Variants in NUP160 observed in about 807,000 individuals in gnomAD.
The protein encoded by NUP160 is nuclear pore complex protein Nup160.
In NUP160, 94 loss-of-function variants were observed where a neutral mutation model predicts 196.9. The ratio of observed to expected loss-of-function variants is 0.48; its 90% confidence interval spans 0.40 to 0.57. The LOEUF (loss-of-function observed/expected upper bound fraction) is 0.57, where lower values mean the gene tolerates loss of function less well. Among genes scored for constraint, NUP160 ranks in the 20% least tolerant of loss-of-function variants. The pLI, the probability that NUP160 is intolerant of heterozygous loss-of-function variation, is 0.00. For missense variants in NUP160, 1,638 were observed against 1,748.3 expected (o/e 0.94, Z 1.13); for synonymous variants, 605 against 619.7 (o/e 0.98, Z 0.35).
Position 47,808,248 on chromosome 11 carries a change from T to C in NUP160, c.2375+148A>G, listed in dbSNP as rs1406402505. 4.6e-6 allele frequency: 3 copies of C among 657,654 alleles called. No homozygotes were observed. The East Asian group carries it at 9.0e-5, about 20-fold the overall frequency. 40.7% of individuals were successfully genotyped at this position (657,654 alleles called of 1,614,324 possible). On this transcript the variant is annotated intron_variant, in intron 18 of 35. Coordinates refer to ENST00000378460, the Ensembl canonical transcript of NUP160. ...GTGAGCCGAGATCATGCCATTGCAC[T>C]CCGGCCTGGGTGAGAGAGAGCGAGA...
chr11:47,828,432 A>G (rs1852014330), intron 7 of NUP160, among the ~76,000 whole-genome samples: 1 of 152,242 alleles, frequency 6.6e-6, no homozygotes, highest in Non-Finnish European at 1.5e-5. Context: ...GAACAAAAGT[A>G]TAAAACTTAC....
At chr11:47,806,761 A>G (rs2097677874) in intron 19 of NUP160, among the ~76,000 whole-genome samples, 1 of 149,050 alleles carries the variant, frequency 6.7e-6, no homozygotes, top group Non-Finnish European at 1.5e-5. Context: ...TAATCACTGG[A>G]GCATCAAAAC....
intron 17 of NUP160, among the ~76,000 whole-genome samples, chr11:47,811,739 G>A (rs1322752363): frequency 1.3e-5 from 2 of 152,008 alleles, no homozygotes; most frequent in Non-Finnish European, 2.9e-5. Context: ...GTAGGTAAAC[G>A]TGTGCCATGA....
intron 7 of NUP160, among the ~76,000 whole-genome samples, chr11:47,831,376 T>C (rs923373887): frequency 6.6e-6 from 1 of 152,140 alleles, no homozygotes; most frequent in Non-Finnish European, 1.5e-5. Flanking sequence ...GACAAGTATA[T>C]AGCAGCAGTA....
intron 29 of NUP160, among the ~76,000 whole-genome samples, chr11:47,789,989 A>G (rs952847401): frequency 4.1e-5 from 6 of 146,186 alleles, no homozygotes; most frequent in Non-Finnish European, 8.9e-5. Context: ...CTTATTGCCC[A>G]GACTGGAGTG....
intron 7 of NUP160, chr11:47,827,199 C>G: frequency 2.2e-6 from 1 of 452,038 alleles, no homozygotes; most frequent in Non-Finnish European, 4.4e-6. Flanking sequence ...CCGTCTCTAC[C>G]AAAAATACAA....
Position 47,847,875 on chromosome 11 carries a change from GAGAA to G in NUP160, c.283_286del (p.Phe95ProfsTer2). The G allele has an allele frequency of 6.2e-7, 1 of 1,613,726 alleles. No individual in the cohort carries two copies. Among genetic ancestry groups the G allele is most frequent in the Non-Finnish European group, 8.5e-7 (1 of 1,179,662 alleles). On this transcript the variant is annotated frameshift_variant, in exon 2 of 36. Transcript: ENST00000378460. LOFTEE classifies it high-confidence loss of function. ...ATGAATGAACCTGTTTCTGGTTACG[GAGAA>G]CAACTTGCCACTCTCCACGTAGTAA... is the stretch of plus-strand genomic sequence containing the variant.
At chr11:47,835,197 T>C (rs912638046) in intron 7 of NUP160, among the ~76,000 whole-genome samples, 1 of 152,128 alleles carries the variant, frequency 6.6e-6, no homozygotes, top group African/African-American at 2.4e-5. Flanking sequence ...TTAATGTGCA[T>C]AAAGGGACTG....
chr11:47,841,924 AGCCTCCCAAAGTGCTACCTGCCTCG>A (rs1053819193), intron 2 of NUP160, among the ~76,000 whole-genome samples: 10 of 151,800 alleles, frequency 6.6e-5, no homozygotes, highest in East Asian at 5.8e-4. Flanking sequence ...CCTGGCCTCA[AGCCTCCCAAAGTGCTACCTGCCTCG>A]GCCTCCCAAA....
chr11:47,788,258 G>A (rs902194534), exon 31 of NUP160: 2 of 1,613,900 alleles, frequency 1.2e-6, no homozygotes, highest in African/African-American at 2.7e-5. Flanking sequence ...GTGTCAAAGA[G>A]GCCCGCCTGA....
At chr11:47,838,492 G>A (rs563716928) in intron 4 of NUP160, among the ~76,000 whole-genome samples, 1 of 152,126 alleles carries the variant, frequency 6.6e-6, no homozygotes, top group East Asian at 1.9e-4. Flanking sequence ...CGGATCACTT[G>A]AGGTCAGGAG....
exon 34 of NUP160, chr11:47,783,106 T>C: frequency 6.2e-7 from 1 of 1,614,030 alleles, no homozygotes; most frequent in East Asian, 2.2e-5. Flanking sequence ...CTTTTCCCAA[T>C]ACAGCATCCA....
At chr11:47,826,872 T>C (rs887322174) in intron 7 of NUP160, among the ~76,000 whole-genome samples, 1 of 152,008 alleles carries the variant, frequency 6.6e-6, no homozygotes, top group African/African-American at 2.4e-5. Flanking sequence ...CCCAAACCCT[T>C]TGCATAATAA....
intron 27 of NUP160, among the ~76,000 whole-genome samples, chr11:47,794,780 T>C (rs1215100629): frequency 6.6e-6 from 1 of 151,602 alleles, no homozygotes; most frequent in East Asian, 2.0e-4. Flanking sequence ...AGCGTGGTGG[T>C]GCATGCCTGC....
chr11:47,814,984 A>G (rs1382775438), intron 13 of NUP160: 1 of 152,254 alleles, frequency 6.6e-6, no homozygotes, highest in African/African-American at 2.4e-5. Context: ...TAATCCCAAC[A>G]CTTTGGGAGG....
intron 31 of NUP160, 109 bp from the exon 32 acceptor site, chr11:47,786,663 T>C (rs1335592497): frequency 1.5e-6 from 1 of 687,234 alleles, no homozygotes; most frequent in Non-Finnish European, 2.6e-6. Flanking sequence ...AGTCTTTTGC[T>C]GAATTCACTA....
At chr11:47,780,801 G>A (rs1006189185) in intron 34 of NUP160, among the ~76,000 whole-genome samples, 4 of 151,854 alleles carry the variant, frequency 2.6e-5, no homozygotes, top group African/African-American at 7.3e-5. Flanking sequence ...CTTGGCCTCC[G>A]AAAGTGAGCC....
At position 47,837,643 on chromosome 11, in the gene NUP160, A is replaced by G. The variant is rs780663775; in HGVS notation, c.749-20T>C. 1.3e-6 allele frequency: 2 copies of G among 1,598,104 alleles called. No homozygotes were observed. Among genetic ancestry groups the G allele is most frequent in the Non-Finnish European group, 1.7e-6 (2 of 1,165,478 alleles). On this transcript the variant is annotated intron_variant, in intron 4 of 35. Transcript: ENST00000378460. ...CCATACCTGCAATGATATCCAAGGC[A>G]CCTCTTGAACACACTTAGAGAAACC...
intron 13 of NUP160, among the ~76,000 whole-genome samples, chr11:47,814,025 C>T (rs1193273947): frequency 1.0e-4 from 13 of 126,112 alleles, no homozygotes; most frequent in South Asian, 5.5e-4. Flanking sequence ...GTGTTGAGAT[C>T]GTGCCACTGC....
Sources: allele counts gnomAD v4.1 joint callset (sites outside exome capture counted in the v4.1 genomes callset), GRCh38; gene constraint gnomAD v4.1.1; transcripts MANE v1.5; gene names NCBI Gene and HGNC (gene_info 2026-07-23, HGNC 2026-07-21).